SASH1: variants seen among roughly 807,000 people sequenced by gnomAD.
The protein encoded by SASH1 is SAM and SH3 domain containing 1.
In SASH1, 44 loss-of-function variants were observed where a neutral mutation model predicts 125.2. The observed-to-expected ratio is 0.35, with a 90% CI of 0.28 to 0.45. The LOEUF (loss-of-function observed/expected upper bound fraction) is 0.45, where lower values mean the gene tolerates loss of function less well. Among genes scored for constraint, SASH1 ranks in the 20% least tolerant of loss-of-function variants. The pLI is 1.00. For missense variants in SASH1, 1,426 were observed against 1,614.5 expected (o/e 0.88, Z 2.00); for synonymous variants, 639 against 649.1 (o/e 0.98, Z 0.24).
chr6:148,224,604 G>A, the SASH1 span, among the ~76,000 whole-genome samples: 41 of 152,086 alleles, frequency 2.7e-4, 1 homozygote, highest in Admixed American at 1.2e-3. Context: ...CAAGTGATCC[G>A]TTCTCCTGGG....
chr6:148,217,846 TAA>T, the SASH1 span, among the ~76,000 whole-genome samples: 45 of 123,278 alleles, frequency 3.7e-4, no homozygotes, highest in Admixed American at 5.0e-4. Flanking sequence ...ATCCCATCTC[TAA>T]AAAAAAAAAA....
At chr6:148,475,479 A>G (rs1171108889) in intron 7 of SASH1, among the ~76,000 whole-genome samples, 1 of 152,200 alleles carries the variant, frequency 6.6e-6, no homozygotes, top group Non-Finnish European at 1.5e-5. Context: ...CAGAAGGAGG[A>G]ATGCCAAGAA....
the SASH1 span, among the ~76,000 whole-genome samples, chr6:148,244,438 A>G: frequency 1.3e-5 from 2 of 152,192 alleles, no homozygotes; most frequent in African/African-American, 4.8e-5. Context: ...GCACATATTG[A>G]TGGATGAACA....
At chr6:148,499,048 C>CTTT (rs1318198412) in intron 8 of SASH1, among the ~76,000 whole-genome samples, 22 of 131,818 alleles carry the variant, frequency 1.7e-4, no homozygotes, top group African/African-American at 5.5e-4. Context: ...TATCAAAATT[C>CTTT]TTTTTTTTGT....
the SASH1 span, among the ~76,000 whole-genome samples, chr6:148,208,124 TG>T: frequency 6.6e-6 from 1 of 152,184 alleles, no homozygotes; most frequent in Non-Finnish European, 1.5e-5. Context: ...CAGCCTCTTC[TG>T]GGAGACCATA....
At chr6:148,380,695 C>T (rs573673104) in intron 1 of SASH1, among the ~76,000 whole-genome samples, 136 of 152,328 alleles carry the variant, frequency 8.9e-4, no homozygotes, top group African/African-American at 3.1e-3. Flanking sequence ...CCATTCTTTT[C>T]TCCACATTTT....
At chr6:148,432,521 C>T (rs1776106340) in intron 2 of SASH1, among the ~76,000 whole-genome samples, 1 of 152,190 alleles carries the variant, frequency 6.6e-6, no homozygotes, top group Non-Finnish European at 1.5e-5. Flanking sequence ...TAGCATGTGG[C>T]ATTTTACTTT....
chr6:148,501,077 C>T (rs1779541546), intron 8 of SASH1, among the ~76,000 whole-genome samples: 1 of 151,820 alleles, frequency 6.6e-6, no homozygotes, highest in Non-Finnish European at 1.5e-5. Flanking sequence ...ATTGGACCCT[C>T]CTGCCTCCAG....
chr6:148,491,620 A>G (rs1158549797), intron 8 of SASH1, among the ~76,000 whole-genome samples: 1 of 152,182 alleles, frequency 6.6e-6, no homozygotes, highest in Non-Finnish European at 1.5e-5. Context: ...ATGTCTTGCA[A>G]CTACAGATTC....
chr6:148,301,724 A>G (rs1189307312), intron 1 of SASH1, among the ~76,000 whole-genome samples: 4 of 147,410 alleles, frequency 2.7e-5, no homozygotes. Flanking sequence ...GACTACAGAA[A>G]CACACCACCC....
chr6:148,422,637 T>C (rs78078628), intron 2 of SASH1, among the ~76,000 whole-genome samples: 2,182 of 152,358 alleles, frequency 0.014, 46 homozygotes, highest in African/African-American at 0.048. Flanking sequence ...ATGGGTATTT[T>C]AAATTTCATT....
chr6:148,374,197 C>A (rs117735381), intron 1 of SASH1, among the ~76,000 whole-genome samples: 2 of 152,234 alleles, frequency 1.3e-5, no homozygotes, highest in East Asian at 3.9e-4. Flanking sequence ...ATAGGGCAAT[C>A]GAGAAGCATA....
At chr6:148,314,382 C>T (rs1780422912) in intron 1 of SASH1, among the ~76,000 whole-genome samples, 1 of 152,166 alleles carries the variant, frequency 6.6e-6, no homozygotes, top group African/African-American at 2.4e-5. Flanking sequence ...GCCCTTTAAA[C>T]TGTATCAGGT....
At position 148,487,729 on chromosome 6, in the gene SASH1, G is replaced by C. The variant is rs1778940920; in HGVS notation, c.729+14G>C. 1.3e-6 allele frequency: 2 copies of C among 1,558,592 alleles called. No individual in the cohort carries two copies. The highest frequency in any genetic ancestry group is 2.2e-5 in the South Asian group (2 of 89,730). Reference sequence around the variant, plus strand: ...TCAAACTGCAATGTGAGTTTATCATGTCTTTGACATCTTGATCACCTACGC... The same window carrying C: ...TCAAACTGCAATGTGAGTTTATCATCTCTTTGACATCTTGATCACCTACGC... On this transcript the variant is annotated intron_variant, in intron 8 of 19. Transcript: ENST00000367467.
chr6:148,505,896 A>G (rs1365230073), intron 8 of SASH1, among the ~76,000 whole-genome samples: 9 of 151,930 alleles, frequency 5.9e-5, no homozygotes, highest in African/African-American at 2.2e-4. Flanking sequence ...TTGGCTTCCC[A>G]AAGTGCTGGG....
intron 8 of SASH1, among the ~76,000 whole-genome samples, chr6:148,506,548 A>G (rs1486798239): frequency 6.6e-6 from 1 of 152,176 alleles, no homozygotes; most frequent in Non-Finnish European, 1.5e-5. Flanking sequence ...GATTTCAGGT[A>G]CGCAGTATTT....
At chr6:148,381,270 T>C (rs1290553112) in intron 1 of SASH1, among the ~76,000 whole-genome samples, 1 of 152,222 alleles carries the variant, frequency 6.6e-6, no homozygotes, top group Non-Finnish European at 1.5e-5. Flanking sequence ...GACTAGTTCA[T>C]GCATAAGATT....
chr6:148,448,252 A>C (rs1776904207), intron 4 of SASH1, among the ~76,000 whole-genome samples: 1 of 152,092 alleles, frequency 6.6e-6, no homozygotes, highest in Non-Finnish European at 1.5e-5. Context: ...ATGTTGAATA[A>C]ATCGATTGAG....
At chr6:148,411,277 T>A (rs1784620084) in intron 2 of SASH1, among the ~76,000 whole-genome samples, 2 of 150,578 alleles carry the variant, frequency 1.3e-5, no homozygotes, top group South Asian at 4.3e-4. Context: ...TGTGATTCAA[T>A]CAGTCACTAA....
Sources: gnomAD v4.1 joint callset for allele counts (sites outside exome capture counted in the v4.1 genomes callset) on GRCh38, gnomAD v4.1.1 for gene constraint, MANE v1.5 for transcripts, NCBI Gene and HGNC (gene_info 2026-07-23, HGNC 2026-07-21) for gene names.